Variants in ESYT2 observed in about 807,000 individuals in gnomAD.
ESYT2 encodes the protein extended synaptotagmin-2.
Under a neutral mutation model 107.2 loss-of-function variants are expected in ESYT2, and 54 were observed. The ratio of observed to expected loss-of-function variants is 0.50; its 90% confidence interval spans 0.40 to 0.63. The LOEUF is 0.63. Among genes scored for constraint, ESYT2 ranks in the 30% least tolerant of loss-of-function variants. The pLI is 0.00. For missense variants in ESYT2, 1,020 were observed against 1,094.5 expected (o/e 0.93, Z 0.96); for synonymous variants, 491 against 434.1 (o/e 1.13, Z -1.63).
intron 3 of ESYT2, among the ~76,000 whole-genome samples, chr7:158,796,145 G>C (rs925183146): frequency 1.3e-5 from 2 of 152,224 alleles, no homozygotes; most frequent in African/African-American, 4.8e-5. Flanking sequence ...TGCTGACTCT[G>C]CTGTGTGTGC....
In ESYT2 at chr7:158,829,346, G is replaced by A; in HGVS notation, c.73C>T (p.Pro25Ser). 7.0e-7 allele frequency: 1 copy of A among 1,423,326 alleles called. No individual in the cohort carries two copies. The highest frequency in any genetic ancestry group is 9.1e-7 in the Non-Finnish European group (1 of 1,093,728). The allele number at this position is 1,423,326 out of a possible 1,614,324, so 88.2% of individuals were successfully genotyped here. A position where few individuals can be genotyped will look rare whatever the true frequency, so the allele number is the denominator to read the frequency against. The change falls in exon 1 of 23, where the codon CCC becomes TCC. Residue 25 changes from proline (P) to serine (S), a missense_variant. Pro to Ser is a moderately conservative substitution (Grantham distance 74). Coordinates refer to ENST00000275418, the MANE Select transcript of ESYT2 (RefSeq NM_001367773.1). ...AGCTCCACGCTCAGCACGCCCCCGG[G>A]GTTCTCAGGCGCCGCGCGGCCCCCA... ...GAGGRAAPEN[P>S]GGVLSVELPG...
intron 6 of ESYT2, among the ~76,000 whole-genome samples, chr7:158,783,273 TTCTC>T (rs781105165): frequency 5.9e-5 from 9 of 152,274 alleles, no homozygotes; most frequent in South Asian, 2.1e-4. Context: ...GATGCCCCTC[TTCTC>T]TCTACGTTCC....
In ESYT2 at chr7:158,813,665, G is replaced by A. The variant is rs72505589; in HGVS notation, c.331-14593C>T. Among the ~76,000 whole-genome samples, 33 of 152,352 alleles carry A rather than the reference G, an allele frequency of 2.2e-4. 1 individual carries two copies. Among genetic ancestry groups the A allele is most frequent in the South Asian group, 1.9e-3 (9 of 4,834 alleles). On this transcript the variant is annotated intron_variant, in intron 1 of 22. Transcript: ENST00000275418. ...AATACTAAAGTAAGTTTTTCAGGCA[G>A]GAGGAAAATCATCCCAGACAAAACG...
chr7:158,737,467 G>C (rs760313313), intron 19 of ESYT2, among the ~76,000 whole-genome samples: 1 of 152,046 alleles, frequency 6.6e-6, no homozygotes, highest in African/African-American at 2.4e-5. Flanking sequence ...ACAGAGTGAC[G>C]GTTGTCTTTC....
At chr7:158,755,732 G>A (rs376737214) in intron 13 of ESYT2, among the ~76,000 whole-genome samples, 3 of 152,076 alleles carry the variant, frequency 2.0e-5, no homozygotes, top group East Asian at 1.9e-4. Flanking sequence ...ACTTACTATC[G>A]CTGTGACTCT....
In ESYT2 at chr7:158,798,966, T is replaced by C. The variant is rs979919062; in HGVS notation, c.372+65A>G. 57 of 1,505,170 alleles carry C rather than the reference T, an allele frequency of 3.8e-5. 1 individual carries two copies. The African/African-American group carries it at 4.4e-4, about 12-fold the overall frequency. 93.2% of individuals were successfully genotyped at this position (1,505,170 alleles called of 1,614,324 possible). ...TTACCAACATGCAAATCCCCAAATA[T>C]GGAAAGATGGTATCTCATCCTCCAA... On this transcript the variant is annotated intron_variant, in intron 2 of 22. Coordinates refer to ENST00000275418, the MANE Select transcript of ESYT2 (RefSeq NM_001367773.1).
chr7:158,811,944 A>G (rs1563036953), intron 1 of ESYT2, among the ~76,000 whole-genome samples: 1 of 152,254 alleles, frequency 6.6e-6, no homozygotes, highest in Admixed American at 6.5e-5. Context: ...CGAAGGAGCA[A>G]AACAGAGCTT....
intron 1 of ESYT2, among the ~76,000 whole-genome samples, chr7:158,827,162 C>CAAAAAA (rs34940580): frequency 2.5e-4 from 26 of 106,040 alleles, no homozygotes; most frequent in African/African-American, 6.2e-4. Flanking sequence ...GGCTCTGTCT[C>CAAAAAA]AAAAAAAAAA....
chr7:158,802,486 G>T (rs1275693473), intron 1 of ESYT2, among the ~76,000 whole-genome samples: 1 of 152,108 alleles, frequency 6.6e-6, no homozygotes, highest in African/African-American at 2.4e-5. Context: ...TTGCCATGTT[G>T]GCCACGCTGG....
chr7:158,784,807 A>C (rs1418828268), intron 6 of ESYT2, among the ~76,000 whole-genome samples: 1 of 152,218 alleles, frequency 6.6e-6, no homozygotes, highest in Non-Finnish European at 1.5e-5. Context: ...CATTTTACAG[A>C]GGAAGAAATG....
chr7:158,812,132 C>A (rs930229984), intron 1 of ESYT2, among the ~76,000 whole-genome samples: 13 of 152,206 alleles, frequency 8.5e-5, no homozygotes, highest in Non-Finnish European at 1.3e-4. Context: ...CTCAGACCCA[C>A]CCTGGAGAGG....
chr7:158,802,029 A>G (rs563541700), intron 1 of ESYT2, among the ~76,000 whole-genome samples: 23 of 152,262 alleles, frequency 1.5e-4, no homozygotes, highest in African/African-American at 5.5e-4. Context: ...TCCAGACCCA[A>G]AGGACTCCAG....
intron 7 of ESYT2, among the ~76,000 whole-genome samples, chr7:158,770,122 C>T (rs1213975682): frequency 6.6e-6 from 1 of 151,882 alleles, no homozygotes; most frequent in Non-Finnish European, 1.5e-5. Context: ...AACTCCCGAC[C>T]TCAGGCGATC....
At chr7:158,738,557 T>C (rs1419000460) in intron 19 of ESYT2, among the ~76,000 whole-genome samples, 4 of 151,960 alleles carry the variant, frequency 2.6e-5, no homozygotes, top group African/African-American at 9.7e-5. Flanking sequence ...TGGGTTCAAG[T>C]GATTCTCCTG....
At chr7:158,750,726 TCTC>T (rs1174328224) in intron 14 of ESYT2, among the ~76,000 whole-genome samples, 2 of 152,224 alleles carry the variant, frequency 1.3e-5, no homozygotes, top group South Asian at 4.1e-4. Context: ...AAGTTAATTT[TCTC>T]CTTTTTCCTT....
chr7:158,782,467 AGT>A (rs1217384951), intron 6 of ESYT2, among the ~76,000 whole-genome samples: 2 of 150,176 alleles, frequency 1.3e-5, no homozygotes, highest in Admixed American at 6.7e-5. Flanking sequence ...TGAGTGAACG[AGT>A]GTGAGAACAG....
intron 1 of ESYT2, among the ~76,000 whole-genome samples, chr7:158,812,867 T>C (rs916063111): frequency 1.3e-5 from 2 of 152,112 alleles, no homozygotes; most frequent in Non-Finnish European, 2.9e-5. Flanking sequence ...TTACAGGAAA[T>C]ATCCAGAACA....
At chr7:158,808,838 G>A (rs1172230532) in intron 1 of ESYT2, among the ~76,000 whole-genome samples, 2 of 151,324 alleles carry the variant, frequency 1.3e-5, no homozygotes, top group Non-Finnish European at 3.0e-5. Context: ...ACGAGGTGTG[G>A]TGGTGGGCAC....
At position 158,829,116 on chromosome 7, in the gene ESYT2, C is replaced by A; in HGVS notation, c.303G>T (p.Gly101=). 1.9e-6 allele frequency: 3 copies of A among 1,579,514 alleles called. No individual in the cohort carries two copies. The highest frequency in any genetic ancestry group is 2.3e-5 in the East Asian group (1 of 43,368). Residue 101 remains glycine, a synonymous_variant, in exon 1 of 23, where the codon GGG becomes GGT. Coordinates refer to ENST00000275418, the MANE Select transcript of ESYT2 (RefSeq NM_001367773.1). ...AGGCGGGCAGGTCGCAGGCGCGCAC[C>A]CCCAGGCGCACGACGCGCTCCTCGT... The part of the protein sequence containing the change: ...LEDEERVVRL[G]VRACDLPAWV...
Sources: allele counts gnomAD v4.1 joint callset (sites outside exome capture counted in the v4.1 genomes callset), GRCh38; gene constraint gnomAD v4.1.1; transcripts MANE v1.5; gene names NCBI Gene and HGNC (gene_info 2026-07-23, HGNC 2026-07-21).